SYNJ2: variants seen among roughly 807,000 people sequenced by gnomAD.
SYNJ2 encodes synaptojanin 2.
A neutral mutation model predicts 141.3 loss-of-function variants in SYNJ2; 116 were observed. The observed-to-expected ratio is 0.82, with a 90% CI of 0.71 to 0.96. The LOEUF is 0.96. SYNJ2 is among the 40% of genes least tolerant of loss of function. The pLI is 0.00. For missense variants in SYNJ2, 1,873 were observed against 1,934.8 expected (o/e 0.97, Z 0.60); for synonymous variants, 745 against 777.7 (o/e 0.96, Z 0.70).
Position 158,098,339 on chromosome 6 carries a change from A to C in SYNJ2, c.*1975A>C, listed in dbSNP as rs1424694324. 2.0e-5 allele frequency: 3 copies of C among 152,248 alleles called. No homozygotes were observed. Among genetic ancestry groups the C allele is most frequent in the Non-Finnish European group, 4.4e-5 (3 of 68,046 alleles). 9.4% of individuals were successfully genotyped at this position (152,248 alleles called of 1,614,324 possible). ...AAAATTTTTGTTAAAATATGTGCTC[A>C]TCTCCTAAGTAGCTCTTCAGAGTCT... is the stretch of plus-strand genomic sequence containing the variant. On this transcript the variant is annotated 3_prime_UTR_variant, in exon 27 of 27. Transcript: ENST00000355585.
intron 1 of SYNJ2, among the ~76,000 whole-genome samples, chr6:158,006,066 C>T (rs1307072184): frequency 6.6e-6 from 1 of 152,194 alleles, no homozygotes; most frequent in Non-Finnish European, 1.5e-5. Flanking sequence ...CATCAATCCT[C>T]GCCTCTCTCC....
At chr6:158,006,219 G>A (rs184971563) in intron 1 of SYNJ2, among the ~76,000 whole-genome samples, 18 of 151,970 alleles carry the variant, frequency 1.2e-4, no homozygotes, top group Admixed American at 7.2e-4. Flanking sequence ...ACACACATGC[G>A]CACACACGTA....
intron 5 of SYNJ2, among the ~76,000 whole-genome samples, chr6:158,045,926 TTTC>T (rs1780213966): frequency 6.6e-6 from 1 of 151,984 alleles, no homozygotes; most frequent in African/African-American, 2.4e-5. Flanking sequence ...GCCTCCATGG[TTTC>T]TTCTTTTTGT....
rs1783833539 is a variant in SYNJ2 at position 158,097,086 on chromosome 6, T to G, written c.*722T>G. On this transcript the variant is annotated 3_prime_UTR_variant, in exon 27 of 27. Transcript: ENST00000355585. ...CATGCCCTATCAATTACTATAATCCTGAGCCATGGTGTGCTACTGAAACCA... is the reference window on the plus strand; with the variant it reads ...CATGCCCTATCAATTACTATAATCCGGAGCCATGGTGTGCTACTGAAACCA... The G allele has an allele frequency of 6.6e-6, 1 of 152,650 alleles. No individual in the cohort carries two copies. Among genetic ancestry groups the G allele is most frequent in the South Asian group, 2.1e-4 (1 of 4,834 alleles). 9.5% of individuals were successfully genotyped at this position (152,650 alleles called of 1,614,324 possible).
chr6:158,015,278 G>T (rs1314227337), intron 1 of SYNJ2, among the ~76,000 whole-genome samples: 1 of 152,094 alleles, frequency 6.6e-6, no homozygotes, highest in Non-Finnish European at 1.5e-5. Context: ...CTTAACTGTG[G>T]GAGTCGAGGC....
rs1250092204 is a variant in SYNJ2 at position 158,028,980 on chromosome 6, C to A, written c.439C>A (p.Gln147Lys). 3.1e-6 allele frequency: 5 copies of A among 1,613,636 alleles called. No individual in the cohort carries two copies. In the Admixed American group the frequency reaches 8.3e-5, roughly 27 times the overall value. ...GSRFDLTVRTQKQGDDSSEWG... is the reference protein window; with the variant it reads ...GSRFDLTVRTKKQGDDSSEWG... ...TCGCTTTGACCTGACTGTCCGCACGCAGAAGCAGGGGGATGACAGCTCTGA... is the reference window on the plus strand; with the variant it reads ...TCGCTTTGACCTGACTGTCCGCACGAAGAAGCAGGGGGATGACAGCTCTGA... The change falls in exon 3 of 27, where the codon CAG (glutamine) becomes AAG (lysine). Residue 147 changes from glutamine to lysine, a missense_variant. Transcript: ENST00000355585.
chr6:158,054,344 A>G (rs751181998), intron 5 of SYNJ2, among the ~76,000 whole-genome samples: 5 of 152,226 alleles, frequency 3.3e-5, no homozygotes, highest in Admixed American at 6.5e-5. Context: ...GTATAGATTC[A>G]TGAATTTCTA....
intron 26 of SYNJ2, among the ~76,000 whole-genome samples, chr6:158,094,854 A>C (rs1175469480): frequency 1.3e-5 from 2 of 152,238 alleles, no homozygotes; most frequent in Non-Finnish European, 2.9e-5. Context: ...TTTAAGTATA[A>C]AAGATTCAAG....
At position 158,059,367 on chromosome 6, in the gene SYNJ2, G is replaced by A; in HGVS notation, c.954+14G>A. ...AGAGCCTTCAAGGTAAGGCCAGGCTGTCCTCTCCACAGCTGGGCTGGGCGG... is the reference window on the plus strand; with the variant it reads ...AGAGCCTTCAAGGTAAGGCCAGGCTATCCTCTCCACAGCTGGGCTGGGCGG... On this transcript the variant is annotated intron_variant, in intron 7 of 26. Coordinates refer to ENST00000355585, the MANE Select transcript of SYNJ2 (RefSeq NM_003898.4). The A allele has an allele frequency of 6.5e-7, 1 of 1,549,122 alleles. No homozygotes were observed.
intron 23 of SYNJ2, among the ~76,000 whole-genome samples, chr6:158,088,163 C>G (rs1783203360): frequency 6.8e-6 from 1 of 148,140 alleles, no homozygotes; most frequent in African/African-American, 2.5e-5. Context: ...CCGGCTCAAG[C>G]AATCCTCCTA....
chr6:158,095,843 G>A lies in SYNJ2; in HGVS notation c.3970G>A (p.Glu1324Lys), dbSNP rs769063998. Residue 1324 changes from glutamate (E) to lysine (K), a missense_variant, in exon 27 of 27, where the codon GAG (glutamate) becomes AAG (lysine). By Grantham distance (56) the Glu-to-Lys change is moderately conservative. Coordinates refer to ENST00000355585, the MANE Select transcript of SYNJ2 (RefSeq NM_003898.4). ...GAGASVPPPL[E>K]APPLVPKVPP... ...AGGAGCCTCTGTGCCACCACCTCTG[G>A]AGGCGCCGCCTCTTGTGCCCAAGGT... is the stretch of plus-strand genomic sequence containing the variant. The A allele has an allele frequency of 1.9e-6, 3 of 1,614,120 alleles. No individual in the cohort carries two copies. Among genetic ancestry groups the A allele is most frequent in the Non-Finnish European group, 1.7e-6 (2 of 1,180,000 alleles).
intron 5 of SYNJ2, among the ~76,000 whole-genome samples, chr6:158,049,600 A>C (rs948925316): frequency 6.6e-6 from 1 of 152,184 alleles, no homozygotes; most frequent in Non-Finnish European, 1.5e-5. Context: ...AAGTCCAATA[A>C]TACAACTTGT....
chr6:158,064,811 CTGGG>C lies in SYNJ2; in HGVS notation c.1360-14_1360-11del, dbSNP rs762612676. The stretch of plus-strand genomic sequence containing the variant: ...AGGGACCCCCCTCACGGCCTGCGGT[CTGGG>C]CTCTCGGCAGGTGGGGAAGCTGAAG... On this transcript the variant is annotated splice_polypyrimidine_tract_variant and intron_variant, in intron 10 of 26. Transcript: ENST00000355585. The C allele has an allele frequency of 1.2e-6, 2 of 1,609,518 alleles. No individual in the cohort carries two copies. Among genetic ancestry groups the C allele is most frequent in the South Asian group, 2.2e-5 (2 of 90,906 alleles).
chr6:158,086,404 C>T (rs972895185), intron 22 of SYNJ2, among the ~76,000 whole-genome samples: 17 of 152,132 alleles, frequency 1.1e-4, no homozygotes, highest in African/African-American at 3.9e-4. Flanking sequence ...GACCCCTGGT[C>T]CTAGGCACTG....
At chr6:158,031,342 C>T (rs186321592) in intron 3 of SYNJ2, among the ~76,000 whole-genome samples, 56 of 152,318 alleles carry the variant, frequency 3.7e-4, no homozygotes, top group Non-Finnish European at 6.6e-4. Flanking sequence ...CCTATGCCAG[C>T]TCTGTGGCTG....
At chr6:158,033,877 C>T (rs528982753) in intron 4 of SYNJ2, among the ~76,000 whole-genome samples, 197 bp downstream of exon 4, 1 of 152,314 alleles carries the variant, frequency 6.6e-6, no homozygotes, top group South Asian at 2.1e-4. Flanking sequence ...CATGGTGTAT[C>T]CTTTCTGATT....
At chr6:157,992,931 C>A (rs376775876) in intron 1 of SYNJ2, among the ~76,000 whole-genome samples, 2 of 151,928 alleles carry the variant, frequency 1.3e-5, no homozygotes, top group East Asian at 3.9e-4. Flanking sequence ...GTTTGATATA[C>A]TGATTTCCTT....
In SYNJ2 at chr6:158,071,597, T is replaced by C. The variant is rs1781927900; in HGVS notation, c.1941-5T>C. 3 of 1,613,320 alleles carry C rather than the reference T, an allele frequency of 1.9e-6. No individual in the cohort carries two copies. Among genetic ancestry groups the C allele is most frequent in the Non-Finnish European group, 1.7e-6 (2 of 1,179,762 alleles). On this transcript the variant is annotated splice_region_variant and splice_polypyrimidine_tract_variant and intron_variant, in intron 14 of 26. Coordinates refer to ENST00000355585, the MANE Select transcript of SYNJ2 (RefSeq NM_003898.4). The surrounding 1 kb of genome is among the most constrained non-coding windows in gnomAD (Gnocchi z 4.3). ...CGACGGCATGCGCGTATCCTTCTGT[T>C]CCAGGGACGTAGCCATCGACACAGT...
chr6:158,068,617 A>G, intron 12 of SYNJ2, 30 bp from the exon 13 acceptor site: 1 of 1,613,852 alleles, frequency 6.2e-7, no homozygotes, highest in East Asian at 2.2e-5. Context: ...GGCGGTTCTG[A>G]CTTCTGTCAT....
Sources: allele counts gnomAD v4.1 joint callset (sites outside exome capture counted in the v4.1 genomes callset), GRCh38; gene constraint gnomAD v4.1.1; non-coding constraint Gnocchi (gnomAD v3.1); transcripts MANE v1.5; gene names NCBI Gene and HGNC (gene_info 2026-07-23, HGNC 2026-07-21).